The following TBXAS1 variants were observed in gnomAD, a reference collection of about 807,000 sequenced individuals.
TBXAS1 encodes the protein thromboxane A synthase 1, also known as thromboxane-A synthase.
In TBXAS1, 48 loss-of-function variants were observed where a neutral mutation model predicts 60.7. The observed-to-expected ratio is 0.79, with a 90% confidence interval of 0.63 to 1.01. TBXAS1 has a LOEUF of 1.01. Ranked by LOEUF, TBXAS1 falls within the 50% of genes least tolerant of loss-of-function variation. The pLI is 0.00. For missense variants in TBXAS1, 685 were observed against 686.3 expected (o/e 1.00, Z 0.02); for synonymous variants, 287 against 269.7 (o/e 1.06, Z -0.63).
At chr7:139,886,347 C>T (rs1803099311) in intron 3 of TBXAS1, among the ~76,000 whole-genome samples, 1 of 151,530 alleles carries the variant, frequency 6.6e-6, no homozygotes, top group African/African-American at 2.4e-5. Flanking sequence ...TCTCCAGGCT[C>T]CCCACATTAA....
chr7:139,873,902 AC>A (rs1251332052), intron 2 of TBXAS1, among the ~76,000 whole-genome samples: 13 of 152,160 alleles, frequency 8.5e-5, no homozygotes, highest in African/African-American at 2.4e-4. Context: ...TAAATTTGGG[AC>A]AATCCTGATA....
chr7:139,883,915 T>C (rs1201922389), intron 3 of TBXAS1, among the ~76,000 whole-genome samples: 1 of 152,240 alleles, frequency 6.6e-6, no homozygotes, highest in South Asian at 2.1e-4. Flanking sequence ...TACAAGTTGG[T>C]CACAGCCCAT....
chr7:139,871,339 T>C (rs2116804444), intron 1 of TBXAS1, among the ~76,000 whole-genome samples: 1 of 152,338 alleles, frequency 6.6e-6, no homozygotes, highest in South Asian at 2.1e-4. Flanking sequence ...TTGGCTGATC[T>C]CTGCGTGATG....
intron 4 of TBXAS1, among the ~76,000 whole-genome samples, chr7:139,791,976 A>G (rs1422625529): frequency 1.3e-5 from 2 of 152,128 alleles, no homozygotes; most frequent in African/African-American, 4.8e-5. Context: ...TTCCTGTGGG[A>G]AGATATTTTT....
rs763408875 is a variant in TBXAS1, at chr7:139,936,191, GCGT to G, written c.337_339del (p.Ser113del). The G allele has an allele frequency of 6.2e-7, 1 of 1,614,160 alleles. No homozygotes were observed. Among genetic ancestry groups the G allele is most frequent in the South Asian group, 1.1e-5 (1 of 91,080 alleles). On this transcript the variant is annotated inframe_deletion and splice_region_variant, in exon 5 of 13. Transcript: ENST00000448866. ...CCCTCTGCTTGTTACTTCCCAACAG[GCGT>G]CGGGTTTGGAGTTCAAGTCGGTAGC...
At chr7:139,802,855 G>T (rs1469927689) in intron 4 of TBXAS1, among the ~76,000 whole-genome samples, 1 of 152,150 alleles carries the variant, frequency 6.6e-6, no homozygotes, top group Non-Finnish European at 1.5e-5. Flanking sequence ...CAGTTCCCCT[G>T]CACATGCTCT....
intron 1 of TBXAS1, among the ~76,000 whole-genome samples, chr7:139,865,992 A>C (rs1377677391): frequency 6.6e-6 from 1 of 152,198 alleles, no homozygotes; most frequent in Non-Finnish European, 1.5e-5. Context: ...TTTGAGAATG[A>C]AGAAGAAATG....
At chr7:139,840,746 G>A (rs183749030) in intron 1 of TBXAS1, among the ~76,000 whole-genome samples, 1 of 152,276 alleles carries the variant, frequency 6.6e-6, no homozygotes, top group South Asian at 2.1e-4. Flanking sequence ...GGAGTCTAGC[G>A]AACAGAAGCA....
At chr7:139,829,589 T>G (rs1422432282) in intron 1 of TBXAS1, 110 bp downstream of exon 1, 3 of 995,498 alleles carry the variant, frequency 3.0e-6, no homozygotes, top group Non-Finnish European at 4.6e-6. Context: ...TTTTCTAATC[T>G]AGCGGGAGTG....
At chr7:139,858,134 G>C (rs1309181549) in intron 1 of TBXAS1, among the ~76,000 whole-genome samples, 1 of 152,094 alleles carries the variant, frequency 6.6e-6, no homozygotes, top group African/African-American at 2.4e-5. Context: ...GTGCTTCTTC[G>C]TACACATCAA....
At chr7:139,992,209 A>G (rs746666658) in intron 9 of TBXAS1, among the ~76,000 whole-genome samples, 21 of 152,238 alleles carry the variant, frequency 1.4e-4, no homozygotes, top group Non-Finnish European at 2.8e-4. Flanking sequence ...TGAGGCATGG[A>G]CCAGCATCTC....
intron 4 of TBXAS1, among the ~76,000 whole-genome samples, chr7:139,926,564 C>T (rs538677649): frequency 6.6e-6 from 1 of 151,822 alleles, no homozygotes; most frequent in Non-Finnish European, 1.5e-5. Context: ...TTTTGTTTAT[C>T]TTTTCAAAAA....
rs1158704796 is a variant in TBXAS1 at position 140,013,213 on chromosome 7, C to T, written c.1227-2510C>T. On this transcript the variant is annotated intron_variant, in intron 10 of 12. Transcript: ENST00000448866. The surrounding 1 kb of genome is among the most constrained non-coding windows in gnomAD (Gnocchi z 4.2). ...TGTTGTCTGGCAAGTGAACTGTTTGCTCACGCAAGCAAACCATTGTCCTGA... is the reference window on the plus strand; with the variant it reads ...TGTTGTCTGGCAAGTGAACTGTTTGTTCACGCAAGCAAACCATTGTCCTGA... 6.6e-6 allele frequency among the ~76,000 whole-genome samples: 1 copy of T among 152,160 alleles called. No individual in the cohort carries two copies. The highest frequency in any genetic ancestry group is 1.9e-4 in the East Asian group (1 of 5,202).
chr7:140,016,512 G>A, intron 11 of TBXAS1: 1 of 222,232 alleles, frequency 4.5e-6, no homozygotes, highest in Non-Finnish European at 9.1e-6. Context: ...TTGTATTTCA[G>A]GTCTGCACTG....
At chr7:139,858,380 T>C (rs1271899756) in intron 1 of TBXAS1, among the ~76,000 whole-genome samples, 1 of 152,182 alleles carries the variant, frequency 6.6e-6, no homozygotes, top group East Asian at 1.9e-4. Context: ...GTGGAGACCA[T>C]TTATCGTTTT....
intron 10 of TBXAS1, 46 bp downstream of exon 10, chr7:140,007,228 C>G: frequency 6.4e-7 from 1 of 1,571,046 alleles, no homozygotes; most frequent in Non-Finnish European, 8.8e-7. Context: ...CCTCCTACCC[C>G]TACCCCCTGC....
At chr7:139,933,687 A>C (rs150695994) in intron 4 of TBXAS1, among the ~76,000 whole-genome samples, 3 of 152,230 alleles carry the variant, frequency 2.0e-5, no homozygotes, top group Admixed American at 6.5e-5. Flanking sequence ...TTCATATTTT[A>C]TCAGAAAATT....
intron 1 of TBXAS1, among the ~76,000 whole-genome samples, chr7:139,837,096 A>T (rs1799119732): frequency 6.6e-6 from 1 of 152,226 alleles, no homozygotes. Flanking sequence ...GCAAATCAAA[A>T]CCACAATGCA....
At chr7:139,905,378 T>A (rs1804996446) in intron 3 of TBXAS1, among the ~76,000 whole-genome samples, 1 of 152,186 alleles carries the variant, frequency 6.6e-6, no homozygotes, top group Admixed American at 6.5e-5. Flanking sequence ...GATTATCATG[T>A]GATTTTTGTT....
Sources: allele counts gnomAD v4.1 joint callset (sites outside exome capture counted in the v4.1 genomes callset), GRCh38; gene constraint gnomAD v4.1.1; non-coding constraint Gnocchi (gnomAD v3.1); transcripts MANE v1.5; gene names NCBI Gene and HGNC (gene_info 2026-07-23, HGNC 2026-07-21).